ZNF554: variants seen among roughly 807,000 people sequenced by gnomAD.
ZNF554 encodes zinc finger protein 554.
ZNF554 carries 15 observed loss-of-function variants against 21.2 expected under a neutral mutation model. The observed-to-expected ratio is 0.71, with a 90% confidence interval of 0.47 to 1.09. The LOEUF (loss-of-function observed/expected upper bound fraction) is 1.09, where lower values mean the gene tolerates loss of function less well. Ranked by LOEUF, ZNF554 falls within the 50% of genes least tolerant of loss-of-function variation. The probability of loss-of-function intolerance (pLI) is 0.00; values close to 1 mark genes in which losing one functional copy is unlikely to be tolerated. For missense variants in ZNF554, 691 were observed against 662.7 expected (o/e 1.04, Z -0.47); for synonymous variants, 258 against 251.4 (o/e 1.03, Z -0.25).
At chr19:2,828,971 G>A (rs1391455130) in intron 3 of ZNF554, among the ~76,000 whole-genome samples, 1 of 152,072 alleles carries the variant, frequency 6.6e-6, no homozygotes, top group Admixed American at 6.5e-5. Context: ...GGTGAGATTT[G>A]GGTCGGGAGA....
chr19:2,824,657 A>G (rs1455797851), intron 2 of ZNF554, among the ~76,000 whole-genome samples: 1 of 152,282 alleles, frequency 6.6e-6, no homozygotes, highest in Non-Finnish European at 1.5e-5. Flanking sequence ...GCTGTTGATA[A>G]AACACACATG....
At position 2,834,913 on chromosome 19, in the gene ZNF554, T is replaced by G. The variant is rs369780432; in HGVS notation, c.*61T>G. ...CTCTGACACATACATGTGGTTATCT[T>G]TTGCCCTGTTGTGATGGATAATTTG... On this transcript the variant is annotated 3_prime_UTR_variant, in exon 5 of 5. Coordinates refer to ENST00000317243, the MANE Select transcript of ZNF554 (RefSeq NM_001102651.2). 114 of 1,444,114 alleles carry G rather than the reference T, an allele frequency of 7.9e-5. No homozygotes were observed. In the East Asian group the frequency reaches 2.2e-3, roughly 28 times the overall value. 89.5% of individuals were successfully genotyped at this position (1,444,114 alleles called of 1,614,324 possible).
At chr19:2,828,091 C>T (rs536143891) in intron 3 of ZNF554, among the ~76,000 whole-genome samples, 12 of 152,278 alleles carry the variant, frequency 7.9e-5, no homozygotes, top group South Asian at 2.1e-4. Context: ...CCACCCTTGA[C>T]GTCGGGATTA....
At chr19:2,820,662 T>C (rs1238935078) in intron 1 of ZNF554, among the ~76,000 whole-genome samples, 1 of 148,850 alleles carries the variant, frequency 6.7e-6, no homozygotes, top group Non-Finnish European at 1.5e-5. Flanking sequence ...ACCGCTGTCC[T>C]GGTGATAAGA....
At chr19:2,828,123 G>T (rs895292537) in intron 3 of ZNF554, among the ~76,000 whole-genome samples, 1 of 152,164 alleles carries the variant, frequency 6.6e-6, no homozygotes, top group Non-Finnish European at 1.5e-5. Context: ...GGTGAGATTT[G>T]GATGGCAACA....
Position 2,829,956 on chromosome 19 carries a change from G to A in ZNF554, c.253+2213G>A, listed in dbSNP as rs1213119989. Among the ~76,000 whole-genome samples, 5 of 151,864 alleles carry A rather than the reference G, an allele frequency of 3.3e-5. 1 individual carries two copies. The highest frequency in any genetic ancestry group is 4.2e-4 in the South Asian group (2 of 4,806). On this transcript the variant is annotated intron_variant, in intron 3 of 4. Transcript: ENST00000317243. ...TTTTCTTTTTTTGAGACGGAGTCTC[G>A]CTCTGTCGCCCAGGCTGGAGTGCAG...
intron 1 of ZNF554, 152 bp from the exon 2 acceptor site, chr19:2,822,888 C>T: frequency 1.5e-6 from 1 of 646,768 alleles, no homozygotes. Context: ...AAAACACAAA[C>T]CCTGGCTTCA....
At chr19:2,828,755 C>T (rs983271136) in intron 3 of ZNF554, among the ~76,000 whole-genome samples, 19 of 151,594 alleles carry the variant, frequency 1.3e-4, no homozygotes, top group African/African-American at 3.9e-4. Context: ...AGGACACTTA[C>T]AATCACGGCA....
rs2087239058 is a variant in ZNF554, at chr19:2,819,907, G to GGCGGCT, written c.-159_-154dup. On this transcript the variant is annotated 5_prime_UTR_variant, in exon 1 of 5. Transcript: ENST00000317243. ...CTCTGCGCGCGTCGGGGTTGGTGGC[G>GGCGGCT]GCGGCTGCGGCGAGTTCCTGAGGGG... 2 of 392,328 alleles carry GGCGGCT rather than the reference G, an allele frequency of 5.1e-6. No individual in the cohort carries two copies. The highest frequency in any genetic ancestry group is 5.0e-5 in the Admixed American group (1 of 20,168). 24.3% of individuals were successfully genotyped at this position (392,328 alleles called of 1,614,324 possible).
intron 1 of ZNF554, among the ~76,000 whole-genome samples, chr19:2,822,611 G>C: frequency 6.6e-6 from 1 of 152,190 alleles, no homozygotes; most frequent in Middle Eastern, 3.4e-3. Flanking sequence ...TGTGTGTGGC[G>C]TCTCACACCT....
At chr19:2,833,536 T>C in intron 4 of ZNF554, 145 bp from the exon 5 acceptor site, 1 of 618,758 alleles carries the variant, frequency 1.6e-6, no homozygotes, top group Non-Finnish European at 2.6e-6. Flanking sequence ...TCTCTCTTTT[T>C]CCCATCCTTC....
chr19:2,820,341 T>C (rs764810314), intron 1 of ZNF554, among the ~76,000 whole-genome samples: 12 of 152,182 alleles, frequency 7.9e-5, no homozygotes, highest in Non-Finnish European at 1.5e-4. Context: ...GAGAGACGCA[T>C]AAGCTTTCCG....
chr19:2,822,221 T>G (rs59273806), intron 1 of ZNF554, among the ~76,000 whole-genome samples: 29,957 of 151,766 alleles, frequency 0.2, 4,031 homozygotes, highest in East Asian at 0.52. Flanking sequence ...TGGCTATTTT[T>G]TTTGTATTTT....
chr19:2,830,618 CAG>C (rs1568334893), intron 3 of ZNF554: 1 of 152,014 alleles, frequency 6.6e-6, no homozygotes. Flanking sequence ...TGTTTTGAGA[CAG>C]AGTCTCACTT....
intron 4 of ZNF554, chr19:2,833,317 C>A (rs1035333344): frequency 4.2e-5 from 7 of 166,204 alleles, no homozygotes; most frequent in Non-Finnish European, 9.1e-5. Context: ...TTAATAGAGA[C>A]AGGGTTTCAC....
At chr19:2,823,924 C>G (rs979333781) in intron 2 of ZNF554, among the ~76,000 whole-genome samples, 1 of 152,118 alleles carries the variant, frequency 6.6e-6, no homozygotes, top group African/African-American at 2.4e-5. Context: ...GCAGCCTGGC[C>G]CCCAGTCTTC....
chr19:2,832,619 T>G (rs2087436451), intron 4 of ZNF554, 125 bp downstream of exon 4: 1 of 950,138 alleles, frequency 1.1e-6, no homozygotes, highest in African/African-American at 1.7e-5. Flanking sequence ...TCGGACACCT[T>G]CAGTTCATTT....
chr19:2,821,399 G>T lies in ZNF554; in HGVS notation c.53+1275G>T, dbSNP rs2087261964. ...CTTTGGTTCTTACATGAGCCTCCTG[G>T]AGCTGCTGTGACAATGCACCACAAA... On this transcript the variant is annotated intron_variant, in intron 1 of 4. Coordinates refer to ENST00000317243, the MANE Select transcript of ZNF554 (RefSeq NM_001102651.2). The surrounding 1 kb of genome is among the most constrained non-coding windows in gnomAD (Gnocchi z 8.2). Among the ~76,000 whole-genome samples, 1 of 151,910 alleles carries T rather than the reference G, an allele frequency of 6.6e-6. No homozygotes were observed. The highest frequency in any genetic ancestry group is 1.5e-5 in the Non-Finnish European group (1 of 68,034).
chr19:2,831,533 A>T (rs1042389147), intron 3 of ZNF554: 2 of 149,664 alleles, frequency 1.3e-5, no homozygotes, highest in Non-Finnish European at 2.9e-5. Flanking sequence ...TGACCTCATG[A>T]TCCACCCGCC....
Sources: allele counts gnomAD v4.1 joint callset (sites outside exome capture counted in the v4.1 genomes callset), GRCh38; gene constraint gnomAD v4.1.1; non-coding constraint Gnocchi (gnomAD v3.1); transcripts MANE v1.5; gene names NCBI Gene and HGNC (gene_info 2026-07-23, HGNC 2026-07-21).